The following GOLM2 variants were observed in gnomAD, a reference collection of about 807,000 sequenced individuals.
GOLM2 encodes golgi membrane protein 2.
A neutral mutation model predicts 55.9 loss-of-function variants in GOLM2; 26 were observed. The observed-to-expected ratio is 0.47, with a 90% CI of 0.34 to 0.65. The LOEUF (loss-of-function observed/expected upper bound fraction) is 0.65, where lower values mean the gene tolerates loss of function less well. Among genes scored for constraint, GOLM2 ranks in the 30% least tolerant of loss-of-function variants. The pLI is 0.01. For synonymous variants in GOLM2, 165 were observed against 194.6 expected (o/e 0.85, Z 1.27); for missense variants, 486 against 531.8 (o/e 0.91, Z 0.85).
chr15:44,343,688 GGT>G (rs1441523840), intron 6 of GOLM2, among the ~76,000 whole-genome samples: 1 of 151,476 alleles, frequency 6.6e-6, no homozygotes, highest in Non-Finnish European at 1.5e-5. Flanking sequence ...AGCTGGGCAT[GGT>G]GGCACACACC....
chr15:44,361,773 T>G (rs2079241856), intron 6 of GOLM2, among the ~76,000 whole-genome samples: 1 of 152,238 alleles, frequency 6.6e-6, no homozygotes, highest in Non-Finnish European at 1.5e-5. Flanking sequence ...ATATCCTTGC[T>G]GAACATCGAT....
At chr15:44,390,826 C>T (rs947202906) in intron 8 of GOLM2, among the ~76,000 whole-genome samples, 8 of 152,188 alleles carry the variant, frequency 5.3e-5, no homozygotes, top group African/African-American at 1.9e-4. Context: ...GCCTCAGCCT[C>T]CCAAAGTGCT....
chr15:44,338,281 G>A lies in GOLM2; in HGVS notation c.766G>A (p.Glu256Lys). The change falls in exon 6 of 10, where the codon GAG (glutamate) becomes AAG (lysine). Residue 256 changes from glutamate (E) to lysine (K), a missense_variant. Coordinates refer to ENST00000299957, the MANE Select transcript of GOLM2 (RefSeq NM_138423.4). ...TGATGCAGGGATGCCTGGAATAGAA[G>A]AGAATGACCTAGCAAAAGTTGATGA... ...GGDAGMPGIEENDLAKVDDLP... is the reference protein window; with the variant it reads ...GGDAGMPGIEKNDLAKVDDLP... The A allele has an allele frequency of 1.2e-6, 2 of 1,613,884 alleles. No homozygotes were observed. The highest frequency in any genetic ancestry group is 1.7e-6 in the Non-Finnish European group (2 of 1,179,860).
intron 6 of GOLM2, among the ~76,000 whole-genome samples, chr15:44,373,330 G>A (rs1428501201): frequency 1.3e-5 from 2 of 151,844 alleles, no homozygotes; most frequent in East Asian, 1.9e-4. Context: ...AGTGGCGGGC[G>A]CCTGTAGTCC....
intron 3 of GOLM2, among the ~76,000 whole-genome samples, chr15:44,331,573 G>T (rs1347745938): frequency 6.6e-6 from 1 of 152,106 alleles, no homozygotes; most frequent in African/African-American, 2.4e-5. Context: ...ACTATTGGAT[G>T]AATCTTCTGC....
At chr15:44,396,702 A>G (rs1264197346) in intron 8 of GOLM2, among the ~76,000 whole-genome samples, 4 of 152,222 alleles carry the variant, frequency 2.6e-5, no homozygotes, top group East Asian at 1.9e-4. Context: ...TGTGGAGCAT[A>G]TGAAGTTAGA....
chr15:44,361,312 A>C (rs1555424375), intron 6 of GOLM2, among the ~76,000 whole-genome samples: 1 of 136,546 alleles, frequency 7.3e-6, no homozygotes, highest in Non-Finnish European at 1.6e-5. Context: ...AGACTAATAA[A>C]GAAAAAAGAG....
At chr15:44,374,759 T>C (rs1264542885) in intron 6 of GOLM2, among the ~76,000 whole-genome samples, 1 of 152,182 alleles carries the variant, frequency 6.6e-6, no homozygotes, top group Non-Finnish European at 1.5e-5. Flanking sequence ...ACTATGGGGA[T>C]GGTGCTAAAC....
At chr15:44,338,421 A>G (rs2079071437) in intron 6 of GOLM2, 104 bp downstream of exon 6, 2 of 788,412 alleles carry the variant, frequency 2.5e-6, no homozygotes, top group African/African-American at 3.5e-5. Flanking sequence ...AGATATCTGG[A>G]TGATCGATAT....
intron 2 of GOLM2, among the ~76,000 whole-genome samples, chr15:44,323,734 G>A (rs951501109): frequency 6.6e-6 from 1 of 152,108 alleles, no homozygotes; most frequent in Non-Finnish European, 1.5e-5. Flanking sequence ...TATGTGGGTA[G>A]TACATGCTCT....
chr15:44,407,759 T>G (rs1203251885), intron 9 of GOLM2, among the ~76,000 whole-genome samples: 1 of 151,320 alleles, frequency 6.6e-6, no homozygotes, highest in Non-Finnish European at 1.5e-5. Flanking sequence ...GATAGAGCTT[T>G]CTTTCTTTTA....
intron 4 of GOLM2, among the ~76,000 whole-genome samples, chr15:44,333,535 G>T (rs189168788): frequency 6.6e-6 from 1 of 152,128 alleles, no homozygotes; most frequent in South Asian, 2.1e-4. Flanking sequence ...ATTGGTGGAC[G>T]AAGGCAGGCC....
intron 1 of GOLM2, among the ~76,000 whole-genome samples, chr15:44,321,366 G>T (rs2078947562): frequency 6.6e-6 from 1 of 151,646 alleles, no homozygotes; most frequent in Non-Finnish European, 1.5e-5. Context: ...CAGCTATCAG[G>T]AGGCTGAGGT....
At position 44,306,682 on chromosome 15, in the gene GOLM2, G is replaced by A. The variant is rs555024864; in HGVS notation, c.328-16283G>A. On this transcript the variant is annotated intron_variant, in intron 1 of 9. Coordinates refer to ENST00000299957, the MANE Select transcript of GOLM2 (RefSeq NM_138423.4). Reference sequence around the variant, plus strand: ...TTATGTTTAGCTTTTGATTTAAAGTGAGAGACATACAACTCTTTTACTTGA... The same window carrying A: ...TTATGTTTAGCTTTTGATTTAAAGTAAGAGACATACAACTCTTTTACTTGA... Among the ~76,000 whole-genome samples, 103 of 152,282 alleles carry A rather than the reference G, an allele frequency of 6.8e-4. No individual in the cohort carries two copies. In the South Asian group the frequency reaches 0.021, roughly 30 times the overall value.
chr15:44,290,375 T>G (rs2078712017), intron 1 of GOLM2, among the ~76,000 whole-genome samples: 1 of 152,198 alleles, frequency 6.6e-6, no homozygotes, highest in African/African-American at 2.4e-5. Flanking sequence ...ATTACAAGTT[T>G]TACTTTGCAT....
At chr15:44,296,289 C>G (rs1161237191) in intron 1 of GOLM2, among the ~76,000 whole-genome samples, 1 of 152,060 alleles carries the variant, frequency 6.6e-6, no homozygotes, top group Non-Finnish European at 1.5e-5. Context: ...ACGTCAAGCT[C>G]TTGATAAATA....
At chr15:44,409,301 A>G (rs2079619226) in intron 9 of GOLM2, among the ~76,000 whole-genome samples, 1 of 151,006 alleles carries the variant, frequency 6.6e-6, no homozygotes, top group Non-Finnish European at 1.5e-5. Flanking sequence ...AAAAGCCCAA[A>G]AAGTGGCTGG....
intron 2 of GOLM2, among the ~76,000 whole-genome samples, chr15:44,323,994 G>A (rs2078967092): frequency 6.6e-6 from 1 of 152,080 alleles, no homozygotes; most frequent in Non-Finnish European, 1.5e-5. Context: ...TGCTTTCTGG[G>A]TCATCACATG....
intron 1 of GOLM2, among the ~76,000 whole-genome samples, chr15:44,322,677 A>C (rs984841847): frequency 6.6e-6 from 1 of 152,224 alleles, no homozygotes; most frequent in Non-Finnish European, 1.5e-5. Flanking sequence ...GACAGTGACC[A>C]TAGCTCTGAG....
Sources: allele counts gnomAD v4.1 joint callset (sites outside exome capture counted in the v4.1 genomes callset), GRCh38; gene constraint gnomAD v4.1.1; transcripts MANE v1.5; gene names NCBI Gene and HGNC (gene_info 2026-07-23, HGNC 2026-07-21).